Variants in SOX6 observed in about 807,000 individuals in gnomAD.
SOX6 encodes the protein transcription factor SOX-6.
In SOX6, 11 loss-of-function variants were observed where a neutral mutation model predicts 97.8. The observed-to-expected ratio is 0.11, with a 90% CI of 0.07 to 0.19. The LOEUF is 0.19. Ranked by LOEUF, SOX6 falls within the 10% of genes least tolerant of loss-of-function variation. The pLI, the probability that SOX6 is intolerant of heterozygous loss-of-function variation, is 1.00. For missense variants in SOX6, 810 were observed against 1,039.5 expected (o/e 0.78, Z 3.04); for synonymous variants, 360 against 371.4 (o/e 0.97, Z 0.35).
chr11:16,620,087 T>C (rs1848523374), intron 3 of SOX6, among the ~76,000 whole-genome samples: 2 of 152,190 alleles, frequency 1.3e-5, no homozygotes, highest in Admixed American at 6.6e-5. Context: ...CTTGATATTA[T>C]ATTAGCTAAA....
intron 2 of SOX6, among the ~76,000 whole-genome samples, chr11:16,723,616 C>T (rs1848283618): frequency 6.6e-6 from 1 of 152,082 alleles, no homozygotes; most frequent in Non-Finnish European, 1.5e-5. Flanking sequence ...TGGAGACCAG[C>T]CTGGCCAACA....
intron 2 of SOX6, among the ~76,000 whole-genome samples, chr11:16,727,835 G>A (rs1322017925): frequency 6.6e-6 from 1 of 151,814 alleles, no homozygotes; most frequent in East Asian, 1.9e-4. Flanking sequence ...CATATGCTCT[G>A]GATCAGTGTT....
intron 6 of SOX6, among the ~76,000 whole-genome samples, chr11:16,112,267 T>C (rs1327625641): frequency 6.6e-6 from 1 of 152,198 alleles, no homozygotes; most frequent in South Asian, 2.1e-4. Context: ...CTGTACAATG[T>C]TGAGAGGTTT....
rs575251940 is a variant in SOX6 at position 16,266,830 on chromosome 11, T to A, written c.446-32159A>T. Among the ~76,000 whole-genome samples the A allele has an allele frequency of 2.6e-5, 4 of 151,224 alleles. No individual in the cohort carries two copies. In the Admixed American group the frequency reaches 2.6e-4, roughly 10 times the overall value. Reference sequence around the variant, plus strand: ...AATATACATGGTATTATTTTAAAAATCAAAAGAAAGAAAAATAACAGACTG... The same window carrying A: ...AATATACATGGTATTATTTTAAAAAACAAAAGAAAGAAAAATAACAGACTG... On this transcript the variant is annotated intron_variant, in intron 3 of 15. Transcript: ENST00000683767.
At chr11:16,385,247 T>C (rs963444525) in intron 1 of SOX6, among the ~76,000 whole-genome samples, 3 of 152,136 alleles carry the variant, frequency 2.0e-5, no homozygotes, top group Admixed American at 1.3e-4. Flanking sequence ...ACCTTTTCTA[T>C]AATTTCCCCC....
chr11:16,438,997 A>G lies in SOX6; in HGVS notation c.-5+37318T>C, dbSNP rs1859445806. 2.6e-5 allele frequency among the ~76,000 whole-genome samples: 4 copies of G among 152,188 alleles called. No individual in the cohort carries two copies. In the South Asian group the frequency reaches 8.3e-4, roughly 32 times the overall value. Reference sequence around the variant, plus strand: ...TTCTTCCAAATTTCTAGCCAAAAGAACTTTTTTCATCAGGCAAGTATAAGA... The same window carrying G: ...TTCTTCCAAATTTCTAGCCAAAAGAGCTTTTTTCATCAGGCAAGTATAAGA... On this transcript the variant is annotated intron_variant, in intron 1 of 15. Coordinates refer to the SOX6 transcript ENST00000396356.
intron 6 of SOX6, among the ~76,000 whole-genome samples, chr11:16,153,378 T>C (rs1850509664): frequency 6.6e-6 from 1 of 152,142 alleles, no homozygotes; most frequent in Non-Finnish European, 1.5e-5. Context: ...CTGATAGTTG[T>C]CCCAAATTTG....
intron 6 of SOX6, among the ~76,000 whole-genome samples, chr11:16,134,329 T>C (rs1438279625): frequency 6.6e-6 from 1 of 152,086 alleles, no homozygotes; most frequent in Non-Finnish European, 1.5e-5. Flanking sequence ...ACTGGGGCCC[T>C]GGGCCACGTT....
intron 9 of SOX6, among the ~76,000 whole-genome samples, chr11:16,081,368 T>C (rs1429519480): frequency 6.6e-6 from 1 of 152,114 alleles, no homozygotes; most frequent in Non-Finnish European, 1.5e-5. Flanking sequence ...GAACAAGAAC[T>C]TTCTTTTATC....
intron 4 of SOX6, among the ~76,000 whole-genome samples, chr11:16,503,443 C>A (rs970765511): frequency 1.3e-5 from 2 of 152,122 alleles, no homozygotes; most frequent in Non-Finnish European, 2.9e-5. Flanking sequence ...CTTCACATAT[C>A]AATAATAACC....
rs912778207 is a variant in SOX6 at position 16,696,655 on chromosome 11, C to T, written n.429+18175G>A. On this transcript the variant is annotated intron_variant and non_coding_transcript_variant, in intron 3 of 5. Transcript: ENST00000524520. ...AATATATGTACCTTAATTTAAAATA[C>T]TTTATTGCTGAAAAATGCAAATAAT... Among the ~76,000 whole-genome samples the T allele has an allele frequency of 2.0e-5, 3 of 152,164 alleles. No homozygotes were observed. In the East Asian group the frequency reaches 5.8e-4, roughly 29 times the overall value.
At chr11:16,697,909 A>G (rs1292332726) in intron 3 of SOX6, among the ~76,000 whole-genome samples, 2 of 152,224 alleles carry the variant, frequency 1.3e-5, no homozygotes, top group African/African-American at 4.8e-5. Context: ...TCAGTAAACT[A>G]TGCTATAAAC....
At chr11:16,298,467 C>T (rs1036378774) in intron 3 of SOX6, among the ~76,000 whole-genome samples, 1 of 151,806 alleles carries the variant, frequency 6.6e-6, no homozygotes, top group Non-Finnish European at 1.5e-5. Flanking sequence ...TTATCAGCTA[C>T]CTATGTGATG....
At chr11:16,512,624 A>G (rs563128755) in intron 4 of SOX6, among the ~76,000 whole-genome samples, 1 of 152,304 alleles carries the variant, frequency 6.6e-6, no homozygotes, top group South Asian at 2.1e-4. Flanking sequence ...GTATATAAAT[A>G]TTGAAGTTTT....
intron 4 of SOX6, among the ~76,000 whole-genome samples, chr11:16,539,204 C>A (rs1004998063): frequency 6.6e-6 from 1 of 152,186 alleles, no homozygotes; most frequent in African/African-American, 2.4e-5. Flanking sequence ...GGAAACTGAA[C>A]AACTTGTTCC....
Position 16,610,380 on chromosome 11 carries a change from T to TG in SOX6, n.609+1700_609+1701insC, listed in dbSNP as rs1848381972. Among the ~76,000 whole-genome samples the TG allele has an allele frequency of 6.6e-6, 1 of 152,168 alleles. No individual in the cohort carries two copies. The highest frequency in any genetic ancestry group is 2.4e-5 in the African/African-American group (1 of 41,432). On this transcript the variant is annotated intron_variant and non_coding_transcript_variant, in intron 4 of 5. Coordinates refer to the SOX6 transcript ENST00000524520. The surrounding 1 kb of genome is among the most constrained non-coding windows in gnomAD (Gnocchi z 4.4). ...GCTGCGACAAGTTTGGCTTTCCAAA[T>TG]ACTAGCGCGTCCGTCTCTTTAAATC...
chr11:16,566,348 C>T (rs1847874152), intron 4 of SOX6, among the ~76,000 whole-genome samples: 4 of 152,158 alleles, frequency 2.6e-5, no homozygotes, highest in Admixed American at 2.0e-4. Context: ...AACAATGCTA[C>T]CAAACTTTGA....
chr11:16,014,441 G>A (rs1854822694), intron 13 of SOX6, among the ~76,000 whole-genome samples: 1 of 152,030 alleles, frequency 6.6e-6, no homozygotes, highest in Non-Finnish European at 1.5e-5. Context: ...TGGTTTGATT[G>A]TACCTGGGAA....
chr11:16,581,586 A>G (rs530236318), intron 4 of SOX6, among the ~76,000 whole-genome samples: 1 of 152,302 alleles, frequency 6.6e-6, no homozygotes, highest in Non-Finnish European at 1.5e-5. Flanking sequence ...GGTTCTGCAC[A>G]TGTCTCCCAT....
Sources: gnomAD v4.1 joint callset for allele counts (sites outside exome capture counted in the v4.1 genomes callset) on GRCh38, gnomAD v4.1.1 for gene constraint, Gnocchi (gnomAD v3.1) non-coding constraint, MANE v1.5 for transcripts, NCBI Gene and HGNC (gene_info 2026-07-23, HGNC 2026-07-21) for gene names.